Variants in CNRIP1 observed in about 807,000 individuals in gnomAD.
CNRIP1 encodes the protein cannabinoid receptor interacting protein 1.
CNRIP1 carries 10 observed loss-of-function variants against 15.2 expected under a neutral mutation model. The observed-to-expected ratio is 0.66, with a 90% CI of 0.41 to 1.12. CNRIP1 has a LOEUF of 1.12. Among genes scored for constraint, CNRIP1 ranks in the 50% most tolerant of loss-of-function variants. The pLI, the probability that CNRIP1 is intolerant of heterozygous loss-of-function variation, is 0.00. For synonymous variants in CNRIP1, 91 were observed against 83.2 expected (o/e 1.09, Z -0.51); for missense variants, 211 against 214.7 (o/e 0.98, Z 0.11).
intron 2 of CNRIP1, among the ~76,000 whole-genome samples, chr2:68,309,394 A>C (rs1231734183): frequency 1.3e-5 from 2 of 152,198 alleles, no homozygotes; most frequent in African/African-American, 2.4e-5. Flanking sequence ...TTTGGTCCTG[A>C]CTTTTATGGG....
intron 2 of CNRIP1, among the ~76,000 whole-genome samples, chr2:68,304,302 G>A (rs1189345822): frequency 2.0e-5 from 3 of 151,382 alleles, no homozygotes; most frequent in Admixed American, 6.6e-5. Flanking sequence ...TCAGGAGGCT[G>A]AGGCAGGGAG....
intron 2 of CNRIP1, among the ~76,000 whole-genome samples, chr2:68,298,568 T>C (rs1453611816): frequency 1.3e-5 from 2 of 152,212 alleles, no homozygotes; most frequent in Non-Finnish European, 2.9e-5. Flanking sequence ...GAGACCAAAG[T>C]TAAAATCTGC....
intron 2 of CNRIP1, 132 bp downstream of exon 2, chr2:68,317,025 A>G (rs1245973258): frequency 5.4e-6 from 6 of 1,114,972 alleles, no homozygotes. Context: ...GCTTGAAGGA[A>G]ATCCACAACT....
In CNRIP1 at chr2:68,319,611, C is replaced by T. The variant is rs138327672; in HGVS notation, c.-211G>A. ...TTAGGCTGTGGCCCCCCTCCCCACT[C>T]GGCGAGGAAGCGGGCCCAAGAGACG... On this transcript the variant is annotated 5_prime_UTR_variant, in exon 1 of 3. Transcript: ENST00000263655. 5.8e-6 allele frequency: 3 copies of T among 514,396 alleles called. No individual in the cohort carries two copies. Among genetic ancestry groups the T allele is most frequent in the Non-Finnish European group, 3.4e-6 (1 of 296,812 alleles). The allele number at this position is 514,396 out of a possible 1,614,324, so 31.9% of individuals were successfully genotyped here.
intron 2 of CNRIP1, among the ~76,000 whole-genome samples, chr2:68,294,653 T>C (rs772692909): frequency 1.3e-5 from 2 of 152,208 alleles, no homozygotes; most frequent in Non-Finnish European, 2.9e-5. Context: ...TAGTTTCAAT[T>C]CCAAAGAAAA....
In CNRIP1 at chr2:68,306,998, T is replaced by G. The variant is rs1671878631; in HGVS notation, c.330+10159A>C. ...ATTTGCATGATTTTAAAAAGTGAAA[T>G]AAGATTCATAAATTTGAGCAAATTT... On this transcript the variant is annotated intron_variant, in intron 2 of 2. Transcript: ENST00000263655. Among the ~76,000 whole-genome samples the G allele has an allele frequency of 2.0e-5, 3 of 152,294 alleles. No homozygotes were observed. The Middle Eastern group carries it at 0.01, about 518-fold the overall frequency.
intron 2 of CNRIP1, 136 bp from the exon 3 acceptor site, chr2:68,294,162 G>T: frequency 1.1e-6 from 1 of 872,458 alleles, no homozygotes; most frequent in Non-Finnish European, 1.7e-6. Context: ...AGGCTCGGAA[G>T]GCTTTCCTTT....
At chr2:68,311,779 G>GAAAAAAA (rs59421926) in intron 2 of CNRIP1, among the ~76,000 whole-genome samples, 2 of 90,266 alleles carry the variant, frequency 2.2e-5, no homozygotes, top group African/African-American at 1.0e-4. Context: ...CATCTCCGGG[G>GAAAAAAA]AAAAAAAAAA....
At chr2:68,287,723 C>T (rs1474510846) in intron 2 of CNRIP1, among the ~76,000 whole-genome samples, 1 of 152,214 alleles carries the variant, frequency 6.6e-6, no homozygotes, top group Non-Finnish European at 1.5e-5. Context: ...ACTCATTGGC[C>T]AGAGCTACCA....
chr2:68,284,243 C>T, exon 3 of CNRIP1: 1 of 427,174 alleles, frequency 2.3e-6, no homozygotes, highest in Non-Finnish European at 4.1e-6. Flanking sequence ...TTTGGATTTA[C>T]TCTCAGAGAG....
chr2:68,306,404 C>T (rs1373512705), intron 2 of CNRIP1, among the ~76,000 whole-genome samples: 1 of 151,736 alleles, frequency 6.6e-6, no homozygotes, highest in African/African-American at 2.4e-5. Flanking sequence ...CATATCTGAA[C>T]TCGTCAGGCC....
chr2:68,316,178 T>C (rs1672264844), intron 2 of CNRIP1: 1 of 152,222 alleles, frequency 6.6e-6, no homozygotes, highest in South Asian at 2.1e-4. Flanking sequence ...TTTCTCAAAG[T>C]GCATTCCCAC....
intron 2 of CNRIP1, among the ~76,000 whole-genome samples, chr2:68,294,839 C>T (rs540027012): frequency 1.1e-4 from 16 of 152,284 alleles, no homozygotes; most frequent in South Asian, 4.2e-4. Flanking sequence ...TATAAAAATT[C>T]GTATAAGGCA....
intron 2 of CNRIP1, 196 bp downstream of exon 2, chr2:68,316,961 G>T: frequency 1.4e-6 from 1 of 693,076 alleles, no homozygotes. Context: ...GCATCTACAG[G>T]GTCAGTCTGT....
chr2:68,307,123 T>C (rs1186501045), intron 2 of CNRIP1, among the ~76,000 whole-genome samples: 1 of 152,270 alleles, frequency 6.6e-6, no homozygotes, highest in Non-Finnish European at 1.5e-5. Context: ...TTAAATGTTA[T>C]ACAATTGTAT....
At chr2:68,299,313 G>A (rs566605590) in intron 2 of CNRIP1, among the ~76,000 whole-genome samples, 95 of 152,256 alleles carry the variant, frequency 6.2e-4, no homozygotes, top group African/African-American at 2.0e-3. Context: ...TGGACTGAAT[G>A]TTTATGCCCT....
chr2:68,308,105 G>A (rs890775541), intron 2 of CNRIP1, among the ~76,000 whole-genome samples: 8 of 151,956 alleles, frequency 5.3e-5, no homozygotes, highest in African/African-American at 1.2e-4. Context: ...AGGCAGGAAG[G>A]TCTCTTGAGC....
intron 2 of CNRIP1, among the ~76,000 whole-genome samples, chr2:68,302,927 G>A (rs184538723): frequency 5.8e-4 from 85 of 146,942 alleles, no homozygotes; most frequent in Non-Finnish European, 1.0e-3. Context: ...GCTCACTGCA[G>A]GCTCCGCCCC....
In CNRIP1 at chr2:68,293,920, T is replaced by G; in HGVS notation, c.437A>C (p.Glu146Ala). 1 of 1,614,130 alleles carries G rather than the reference T, an allele frequency of 6.2e-7. No homozygotes were observed. The highest frequency in any genetic ancestry group is 8.5e-7 in the Non-Finnish European group (1 of 1,180,008). ...WGSPFSVIEY[E>A]CKPNETRSLM... ...ACTGCGTGTCTCGTTGGGCTTGCATTCATACTCAATGACAGAGAAGGGGCT... is the reference window on the plus strand; with the variant it reads ...ACTGCGTGTCTCGTTGGGCTTGCATGCATACTCAATGACAGAGAAGGGGCT... Residue 146 changes from glutamate (E) to alanine (A), a missense_variant, in exon 3 of 3, where the codon GAA (glutamate) becomes GCA (alanine). Coordinates refer to ENST00000263655, the MANE Select transcript of CNRIP1 (RefSeq NM_015463.3).
Sources: allele counts gnomAD v4.1 joint callset (sites outside exome capture counted in the v4.1 genomes callset), GRCh38; gene constraint gnomAD v4.1.1; transcripts MANE v1.5; gene names NCBI Gene and HGNC (gene_info 2026-07-23, HGNC 2026-07-21).